The following ROBO1 variants were observed in gnomAD, a reference collection of about 807,000 sequenced individuals.
The protein encoded by ROBO1 is roundabout guidance receptor 1.
In ROBO1, 149 loss-of-function variants were observed where a neutral mutation model predicts 195.9. The observed-to-expected ratio is 0.76, with a 90% confidence interval of 0.67 to 0.87. The LOEUF (loss-of-function observed/expected upper bound fraction) is 0.87, where lower values mean the gene tolerates loss of function less well. ROBO1 is among the 40% of genes least tolerant of loss of function. ROBO1 has a pLI of 0.00. For missense variants in ROBO1, 1,933 were observed against 2,068.3 expected, an observed-to-expected ratio of 0.93 and a Z score of 1.27; for synonymous variants, 816 against 733.2, an observed-to-expected ratio of 1.11 and a Z score of -1.82.
intron 1 of ROBO1, among the ~76,000 whole-genome samples, chr3:79,595,484 A>G (rs1944137215): frequency 6.6e-6 from 1 of 151,990 alleles, no homozygotes; most frequent in Admixed American, 6.6e-5. Flanking sequence ...CATATTTGGA[A>G]GGACAGTAAC....
chr3:79,055,649 C>G (rs2078792126), intron 3 of ROBO1, among the ~76,000 whole-genome samples: 1 of 152,020 alleles, frequency 6.6e-6, no homozygotes, highest in Non-Finnish European at 1.5e-5. Flanking sequence ...CCACATAACT[C>G]TTATAGTGCT....
intron 4 of ROBO1, among the ~76,000 whole-genome samples, chr3:78,869,371 G>A (rs1576318634): frequency 6.6e-6 from 1 of 152,206 alleles, no homozygotes; most frequent in East Asian, 1.9e-4. Flanking sequence ...TTAAACAAAC[G>A]TTGATCTTTC....
At chr3:79,506,445 A>G (rs1940400380) in intron 2 of ROBO1, among the ~76,000 whole-genome samples, 1 of 151,770 alleles carries the variant, frequency 6.6e-6, no homozygotes, top group Non-Finnish European at 1.5e-5. Context: ...AAATAGAAAA[A>G]CAATGAGATG....
intron 2 of ROBO1, among the ~76,000 whole-genome samples, chr3:79,574,003 G>T (rs1268364526): frequency 2.0e-5 from 3 of 152,056 alleles, no homozygotes; most frequent in African/African-American, 7.2e-5. Flanking sequence ...GGAAACTCTA[G>T]ACAGAGGATC....
At chr3:79,757,419 C>T (rs1704463344) in intron 1 of ROBO1, among the ~76,000 whole-genome samples, 2 of 152,140 alleles carry the variant, frequency 1.3e-5, no homozygotes, top group Admixed American at 6.5e-5. Context: ...CAAAACAGCT[C>T]TATAAGCAAC....
chr3:78,610,943 A>G (rs1285244077), intron 28 of ROBO1, among the ~76,000 whole-genome samples: 3 of 152,204 alleles, frequency 2.0e-5, no homozygotes, highest in African/African-American at 7.2e-5. Context: ...AAACAATCCC[A>G]TATTCCACAT....
chr3:78,736,393 G>C (rs539095845), intron 5 of ROBO1, among the ~76,000 whole-genome samples: 1 of 152,228 alleles, frequency 6.6e-6, no homozygotes, highest in South Asian at 2.1e-4. Context: ...TATAAGAGAA[G>C]TACTTGGTAA....
chr3:78,882,447 C>T (rs1439694304), intron 4 of ROBO1, among the ~76,000 whole-genome samples: 4 of 152,184 alleles, frequency 2.6e-5, no homozygotes, highest in Non-Finnish European at 4.4e-5. Context: ...TTTCCGTTCT[C>T]ATCTTCGAGA....
chr3:78,680,565 A>C (rs1433865682), intron 10 of ROBO1, among the ~76,000 whole-genome samples: 2 of 152,146 alleles, frequency 1.3e-5, no homozygotes, highest in Non-Finnish European at 2.9e-5. Flanking sequence ...TTATGCAGCC[A>C]AACAACACAT....
intron 1 of ROBO1, among the ~76,000 whole-genome samples, chr3:79,699,549 G>T (rs1947551840): frequency 6.6e-6 from 1 of 151,604 alleles, no homozygotes; most frequent in South Asian, 2.1e-4. Context: ...CTCTTCCAAA[G>T]GCACACCTAC....
chr3:79,409,982 G>A (rs1417431243), intron 2 of ROBO1, among the ~76,000 whole-genome samples: 2 of 151,774 alleles, frequency 1.3e-5, no homozygotes, highest in Non-Finnish European at 2.9e-5. Flanking sequence ...TTAAAAATAT[G>A]GCCCCTAAGC....
chr3:78,899,931 C>A (rs1449162212), intron 4 of ROBO1, among the ~76,000 whole-genome samples: 2 of 152,154 alleles, frequency 1.3e-5, no homozygotes, highest in Non-Finnish European at 2.9e-5. Flanking sequence ...AATGAAATTG[C>A]TTTCCACAGC....
intron 2 of ROBO1, among the ~76,000 whole-genome samples, chr3:79,349,373 G>T (rs1366795344): frequency 1.3e-5 from 2 of 152,000 alleles, no homozygotes; most frequent in African/African-American, 4.8e-5. Flanking sequence ...TGTTAAGATG[G>T]CAATATTCCC....
intron 3 of ROBO1, among the ~76,000 whole-genome samples, chr3:79,112,369 AG>A (rs1306057354): frequency 6.6e-6 from 1 of 152,096 alleles, no homozygotes; most frequent in Admixed American, 6.5e-5. Context: ...TTTGTTGGCT[AG>A]GGTGAGTTAG....
intron 4 of ROBO1, among the ~76,000 whole-genome samples, chr3:78,824,069 C>A (rs2031326663): frequency 6.6e-6 from 1 of 152,132 alleles, no homozygotes; most frequent in African/African-American, 2.4e-5. Flanking sequence ...TTCTCAAGAG[C>A]TTGAACTAGG....
intron 1 of ROBO1, among the ~76,000 whole-genome samples, chr3:79,648,494 G>A (rs6548641): frequency 0.58 from 87,676 of 151,790 alleles, 25,604 homozygotes; most frequent in South Asian, 0.67. Context: ...AATAGAACAG[G>A]AGGATTCAAA....
chr3:79,109,995 A>T (rs148733907), intron 3 of ROBO1, among the ~76,000 whole-genome samples: 4 of 152,146 alleles, frequency 2.6e-5, no homozygotes, highest in Non-Finnish European at 4.4e-5. Context: ...ACTGCAGATG[A>T]CCCCTACATT....
chr3:79,003,113 C>T (rs570382233), intron 3 of ROBO1, among the ~76,000 whole-genome samples: 1 of 152,086 alleles, frequency 6.6e-6, no homozygotes, highest in Admixed American at 6.6e-5. Context: ...GCTGATATAG[C>T]CTCTAATTGT....
At chr3:79,508,319 C>G (rs901773427) in intron 2 of ROBO1, among the ~76,000 whole-genome samples, 2 of 152,024 alleles carry the variant, frequency 1.3e-5, no homozygotes, top group African/African-American at 4.8e-5. Context: ...CATGTGAAAA[C>G]CCATGGAAGA....
Sources: gnomAD v4.1 joint callset for allele counts (sites outside exome capture counted in the v4.1 genomes callset) on GRCh38, gnomAD v4.1.1 for gene constraint, MANE v1.5 for transcripts, NCBI Gene and HGNC (gene_info 2026-07-23, HGNC 2026-07-21) for gene names.